EPB41L4B: variants seen among roughly 807,000 people sequenced by gnomAD.
EPB41L4B encodes erythrocyte membrane protein band 4.1 like 4B, also known as band 4.1-like protein 4B.
Under a neutral mutation model 112.5 loss-of-function variants are expected in EPB41L4B, and 30 were observed. The ratio of observed to expected loss-of-function variants is 0.27; its 90% CI spans 0.20 to 0.36. The LOEUF is 0.36. EPB41L4B is among the 10% of genes least tolerant of loss of function. The pLI is 1.00. For synonymous variants in EPB41L4B, 408 were observed against 439.7 expected, an observed-to-expected ratio of 0.93 and a Z score of 0.90; for missense variants, 1,024 against 1,133.3, an observed-to-expected ratio of 0.90 and a Z score of 1.38.
chr9:109,175,140 C>A (rs1831772490), intron 25 of EPB41L4B, among the ~76,000 whole-genome samples: 1 of 151,880 alleles, frequency 6.6e-6, no homozygotes, highest in African/African-American at 2.4e-5. Flanking sequence ...TGGTCTCGAA[C>A]TCCTGAGCTC....
intron 24 of EPB41L4B, among the ~76,000 whole-genome samples, chr9:109,181,300 C>A (rs1832043013): frequency 6.6e-6 from 1 of 152,278 alleles, no homozygotes; most frequent in Admixed American, 6.5e-5. Context: ...CTGTGCCTAG[C>A]CTTGGCAGAA....
intron 2 of EPB41L4B, among the ~76,000 whole-genome samples, chr9:109,275,748 G>C (rs1835789965): frequency 6.6e-6 from 1 of 152,158 alleles, no homozygotes; most frequent in Non-Finnish European, 1.5e-5. Flanking sequence ...AGGAAACTGA[G>C]ACTCAAGAGT....
chr9:109,222,519 A>G (rs1833615769), intron 15 of EPB41L4B, among the ~76,000 whole-genome samples: 1 of 152,216 alleles, frequency 6.6e-6, no homozygotes, highest in Non-Finnish European at 1.5e-5. Flanking sequence ...GAGACCTCAG[A>G]GGTCAAGCCC....
intron 14 of EPB41L4B, among the ~76,000 whole-genome samples, chr9:109,246,935 C>CA (rs888377113): frequency 1.3e-5 from 2 of 152,198 alleles, no homozygotes; most frequent in African/African-American, 4.8e-5. Flanking sequence ...TCACCACTAC[C>CA]AAAAAATGGT....
intron 14 of EPB41L4B, among the ~76,000 whole-genome samples, chr9:109,247,273 G>A (rs1214167472): frequency 6.6e-6 from 1 of 151,284 alleles, no homozygotes; most frequent in Non-Finnish European, 1.5e-5. Flanking sequence ...TGTCTTTCTT[G>A]CAGGATTTCT....
chr9:109,210,549 T>C (rs1833130345), intron 17 of EPB41L4B, among the ~76,000 whole-genome samples: 1 of 152,230 alleles, frequency 6.6e-6, no homozygotes, highest in Non-Finnish European at 1.5e-5. Flanking sequence ...GATTTTCCCC[T>C]TGAATTTACT....
At chr9:109,235,440 G>C (rs1834106753) in intron 15 of EPB41L4B, among the ~76,000 whole-genome samples, 1 of 139,680 alleles carries the variant, frequency 7.2e-6, no homozygotes, top group African/African-American at 2.7e-5. Context: ...CTGTCACCCA[G>C]GCTGGAGTGC....
chr9:109,307,923 T>C (rs1042184074), intron 1 of EPB41L4B, among the ~76,000 whole-genome samples: 4 of 152,154 alleles, frequency 2.6e-5, no homozygotes, highest in African/African-American at 9.7e-5. Flanking sequence ...GTTACACCCT[T>C]GTTACTGCTC....
At chr9:109,268,138 G>T (rs796246918) in intron 3 of EPB41L4B, among the ~76,000 whole-genome samples, 4 of 152,302 alleles carry the variant, frequency 2.6e-5, no homozygotes, top group African/African-American at 9.6e-5. Flanking sequence ...AGGTTAATCA[G>T]TTCTCATTGG....
Position 109,213,646 on chromosome 9 carries a change from G to A in EPB41L4B, c.1752+54C>T, listed in dbSNP as rs932962708. 4.8e-6 allele frequency: 7 copies of A among 1,462,324 alleles called. No homozygotes were observed. In the South Asian group the frequency reaches 8.0e-5, roughly 17 times the overall value. The allele number at this position is 1,462,324 out of a possible 1,614,324, so 90.6% of individuals were successfully genotyped here. On this transcript the variant is annotated intron_variant, in intron 17 of 25. Coordinates refer to ENST00000374566, the MANE Select transcript of EPB41L4B (RefSeq NM_019114.5). ...CAGGCAGGCTAGGGTAGTAATCAGA[G>A]GTTTGATGTCAGCACCAAGTCCATG...
At chr9:109,313,038 C>T (rs558803404) in intron 1 of EPB41L4B, among the ~76,000 whole-genome samples, 1 of 152,212 alleles carries the variant, frequency 6.6e-6, no homozygotes, top group East Asian at 1.9e-4. Context: ...GGCAGAAGTT[C>T]CAGGCCAGCC....
chr9:109,175,973 T>C (rs1417554609), intron 25 of EPB41L4B, among the ~76,000 whole-genome samples: 5 of 144,880 alleles, frequency 3.5e-5, no homozygotes, highest in East Asian at 4.0e-4. Context: ...TGCCACCTCA[T>C]TGAGGCCATC....
rs761944997 is a variant in EPB41L4B, at chr9:109,279,881, T to G, written c.347A>C (p.Tyr116Ser). 1.2e-6 allele frequency: 2 copies of G among 1,614,074 alleles called. No homozygotes were observed. The highest frequency in any genetic ancestry group is 3.3e-5 in the Admixed American group (2 of 60,008). The change falls in exon 2 of 26, where the codon TAC (tyrosine) becomes TCC (serine). Residue 116 changes from tyrosine (Y) to serine (S), a missense_variant. By Grantham distance (144) the Tyr-to-Ser change is moderately radical (BLOSUM62 -2). Coordinates refer to ENST00000374566, the MANE Select transcript of EPB41L4B (RefSeq NM_019114.5). ...ATCTGTTTCCACAAGGTCCAAGTGG[T>G]ACACAATCTGATCAAACAAATCCTG... is the stretch of plus-strand genomic sequence containing the variant. ...KGQDLFDQIV[Y>S]HLDLVETDYF... is the part of the protein sequence containing the mutation.
chr9:109,224,305 T>A (rs1833689273), intron 15 of EPB41L4B, among the ~76,000 whole-genome samples: 1 of 152,190 alleles, frequency 6.6e-6, no homozygotes, highest in Non-Finnish European at 1.5e-5. Flanking sequence ...CATCAACTGA[T>A]GAATGGATAG....
intron 13 of EPB41L4B, among the ~76,000 whole-genome samples, chr9:109,250,697 G>A (rs1347537839): frequency 6.6e-6 from 1 of 152,094 alleles, no homozygotes; most frequent in Non-Finnish European, 1.5e-5. Flanking sequence ...ATGCGCCTGG[G>A]GTGTGGCTGC....
intron 1 of EPB41L4B, among the ~76,000 whole-genome samples, chr9:109,282,326 G>A (rs1836097683): frequency 6.6e-6 from 1 of 152,202 alleles, no homozygotes; most frequent in Admixed American, 6.5e-5. Context: ...TGCTTGTGGT[G>A]ACAGCTGCAC....
intron 15 of EPB41L4B, 55 bp downstream of exon 15, chr9:109,243,563 T>C: frequency 6.4e-7 from 1 of 1,570,114 alleles, no homozygotes; most frequent in South Asian, 1.1e-5. Flanking sequence ...AATCTGAACT[T>C]TTCTAGAGAA....
chr9:109,225,612 G>A (rs1190508365), intron 15 of EPB41L4B, among the ~76,000 whole-genome samples: 1 of 152,212 alleles, frequency 6.6e-6, no homozygotes, highest in Non-Finnish European at 1.5e-5. Context: ...AACACTTGGG[G>A]ATTGTGGGAG....
chr9:109,304,441 A>C (rs1279523297), intron 1 of EPB41L4B, among the ~76,000 whole-genome samples: 5 of 152,198 alleles, frequency 3.3e-5, no homozygotes, highest in Non-Finnish European at 7.3e-5. Context: ...TGCAGTCCCG[A>C]GGGGCACCTC....
Sources: gnomAD v4.1 joint callset for allele counts (sites outside exome capture counted in the v4.1 genomes callset) on GRCh38, gnomAD v4.1.1 for gene constraint, MANE v1.5 for transcripts, NCBI Gene and HGNC (gene_info 2026-07-23, HGNC 2026-07-21) for gene names.